Variants in KLRG1 observed in about 807,000 individuals in gnomAD.
The protein encoded by KLRG1 is killer cell lectin like receptor G1.
Under a neutral mutation model 21.8 loss-of-function variants are expected in KLRG1, and 16 were observed. That is an observed-to-expected ratio of 0.73 (90% CI 0.50 to 1.11). The LOEUF is 1.11. KLRG1 is among the 50% of genes most tolerant of loss of function. The pLI, the probability that KLRG1 is intolerant of heterozygous loss-of-function variation, is 0.00. For missense variants in KLRG1, 173 were observed against 218.3 expected (o/e 0.79, Z 1.31); for synonymous variants, 69 against 75.9 (o/e 0.91, Z 0.47).
chr12:9,024,825 C>T, the KLRG1 span, among the ~76,000 whole-genome samples: 2 of 152,156 alleles, frequency 1.3e-5, no homozygotes, highest in African/African-American at 4.8e-5. Flanking sequence ...ATCTACAATA[C>T]ACATCTTTCC....
chr12:9,110,174 T>C, the KLRG1 span: 5 of 1,106,668 alleles, frequency 4.5e-6, 1 homozygote, highest in South Asian at 7.8e-5. Context: ...AGATGAGTTA[T>C]AGCCATCTAG....
the KLRG1 span, among the ~76,000 whole-genome samples, chr12:9,092,676 C>T: frequency 6.6e-6 from 1 of 152,164 alleles, no homozygotes; most frequent in Non-Finnish European, 1.5e-5. Flanking sequence ...ATGTACATTG[C>T]CACAGCCATT....
chr12:8,968,937 A>T (rs1946523531), intron 1 of KLRG1, among the ~76,000 whole-genome samples: 1 of 152,256 alleles, frequency 6.6e-6, no homozygotes, highest in Admixed American at 6.5e-5. Flanking sequence ...CAAGGGATGC[A>T]GCTAAAGCAG....
chr12:9,201,243 A>G, the KLRG1 span: 12 of 1,338,520 alleles, frequency 9.0e-6, no homozygotes, highest in African/African-American at 1.8e-4. Flanking sequence ...TTTTTAAAGT[A>G]GTTCATCTGT....
chr12:8,954,554 G>A (rs1946257469), intron 1 of KLRG1, among the ~76,000 whole-genome samples: 1 of 151,628 alleles, frequency 6.6e-6, no homozygotes, highest in African/African-American at 2.4e-5. Flanking sequence ...AAAGTTTTGT[G>A]GTTCTCTTAC....
the KLRG1 span, among the ~76,000 whole-genome samples, chr12:9,020,085 A>T: frequency 6.6e-6 from 1 of 151,974 alleles, no homozygotes; most frequent in Admixed American, 6.6e-5. Context: ...ACATACATAC[A>T]TATATAAAAT....
intron 1 of KLRG1, among the ~76,000 whole-genome samples, chr12:8,954,114 G>A (rs144707864): frequency 1.7e-4 from 26 of 152,152 alleles, no homozygotes; most frequent in Non-Finnish European, 3.5e-4. Context: ...AAGATGTTCC[G>A]ATTTTATCTT....
chr12:9,193,498 A>G, the KLRG1 span, among the ~76,000 whole-genome samples: 1 of 151,888 alleles, frequency 6.6e-6, no homozygotes, highest in South Asian at 2.1e-4. Flanking sequence ...TTTAAATCCT[A>G]GGGAGAGTGA....
intron 3 of KLRG1, among the ~76,000 whole-genome samples, chr12:8,995,844 G>A (rs1203468988): frequency 6.6e-6 from 1 of 151,908 alleles, no homozygotes; most frequent in Non-Finnish European, 1.5e-5. Context: ...CACCATGCCT[G>A]GCTAATTTTT....
At chr12:9,135,064 C>T in the KLRG1 span, 1 of 184,336 alleles carries the variant, frequency 5.4e-6, no homozygotes, top group Non-Finnish European at 1.2e-5. Context: ...ACCTCTGCCT[C>T]CTTGCATCCC....
chr12:9,192,434 A>G, the KLRG1 span: 3 of 1,408,380 alleles, frequency 2.1e-6, no homozygotes, highest in African/African-American at 4.3e-5. Flanking sequence ...CAAGTAGTTT[A>G]TTTTGACATT....
chr12:9,077,804 A>G, the KLRG1 span: 8 of 1,614,066 alleles, frequency 5.0e-6, no homozygotes, highest in African/African-American at 1.1e-4. Context: ...TGCTTCATCG[A>G]TGAAGATGTA....
chr12:9,169,136 A>T, the KLRG1 span, among the ~76,000 whole-genome samples: 7 of 151,678 alleles, frequency 4.6e-5, no homozygotes, highest in Admixed American at 2.0e-4. Flanking sequence ...AAACTTATGG[A>T]TTATTAAGAT....
chr12:9,027,666 G>A, the KLRG1 span: 2 of 955,600 alleles, frequency 2.1e-6, no homozygotes, highest in South Asian at 2.6e-5. Flanking sequence ...TCCCTTCATG[G>A]GTCCAAAATT....
chr12:9,090,750 C>A, the KLRG1 span, among the ~76,000 whole-genome samples: 8 of 152,290 alleles, frequency 5.3e-5, no homozygotes, highest in Admixed American at 1.3e-4. Flanking sequence ...TGCTGCTCTA[C>A]CTCTTTGGTC....
intron 1 of KLRG1, 84 bp downstream of exon 1, chr12:8,989,801 G>T: frequency 1.3e-6 from 1 of 773,978 alleles, no homozygotes; most frequent in Non-Finnish European, 2.2e-6. Flanking sequence ...GTTTAAAGCA[G>T]AGGGTGCAGA....
the KLRG1 span, chr12:9,104,396 C>A: frequency 6.3e-7 from 1 of 1,583,336 alleles, no homozygotes; most frequent in Non-Finnish European, 8.6e-7. Flanking sequence ...ATCTACTAGG[C>A]GCACCTGAAG....
At chr12:9,112,501 G>A in the KLRG1 span, 8 of 1,613,616 alleles carry the variant, frequency 5.0e-6, no homozygotes. Flanking sequence ...GGACAGTGAG[G>A]AACATTACCT....
At chr12:9,193,545 T>G in the KLRG1 span, among the ~76,000 whole-genome samples, 2 of 152,208 alleles carry the variant, frequency 1.3e-5, no homozygotes, top group African/African-American at 4.8e-5. Context: ...CATCATTACA[T>G]GTTTTTAAAC....
Sources: gnomAD v4.1 joint callset for allele counts (sites outside exome capture counted in the v4.1 genomes callset) on GRCh38, gnomAD v4.1.1 for gene constraint, MANE v1.5 for transcripts, NCBI Gene and HGNC (gene_info 2026-07-23, HGNC 2026-07-21) for gene names.